The following HSD17B12 variants were observed in gnomAD, a reference collection of about 807,000 sequenced individuals.
HSD17B12 encodes hydroxysteroid 17-beta dehydrogenase 12.
HSD17B12 carries 32 observed loss-of-function variants against 39.3 expected under a neutral mutation model. The observed-to-expected ratio is 0.81, with a 90% CI of 0.61 to 1.09. The LOEUF is 1.09. Ranked by LOEUF, HSD17B12 falls within the 50% of genes least tolerant of loss-of-function variation. The probability of loss-of-function intolerance (pLI) is 0.00; values close to 1 mark genes in which losing one functional copy is unlikely to be tolerated. For missense variants in HSD17B12, 342 were observed against 382.9 expected (o/e 0.89, Z 0.89); for synonymous variants, 150 against 146.7 (o/e 1.02, Z -0.16).
the HSD17B12 span, among the ~76,000 whole-genome samples, chr11:43,656,953 C>T: frequency 2.0e-5 from 3 of 152,052 alleles, no homozygotes; most frequent in Non-Finnish European, 4.4e-5. Context: ...TCCTGGGTAT[C>T]CTTGTTGACT....
upstream of HSD17B12, chr11:43,680,727 C>T: frequency 9.6e-7 from 1 of 1,045,630 alleles, no homozygotes; most frequent in Non-Finnish European, 1.5e-6. Flanking sequence ...GTCGGAGCAG[C>T]GCCTATTAGT....
chr11:43,636,003 A>G, the HSD17B12 span, among the ~76,000 whole-genome samples: 38 of 152,326 alleles, frequency 2.5e-4, no homozygotes, highest in East Asian at 4.4e-3. Context: ...CCAAGCTTCA[A>G]TGGTGTTGAC....
At chr11:43,734,865 A>G (rs1010899263) in intron 1 of HSD17B12, among the ~76,000 whole-genome samples, 2 of 152,062 alleles carry the variant, frequency 1.3e-5, no homozygotes, top group Non-Finnish European at 2.9e-5. Flanking sequence ...TTTCACCTCT[A>G]TCTAGTTTCA....
intron 4 of HSD17B12, among the ~76,000 whole-genome samples, chr11:43,799,376 T>G (rs1196064412): frequency 6.6e-6 from 1 of 152,096 alleles, no homozygotes; most frequent in Non-Finnish European, 1.5e-5. Flanking sequence ...AGTCTTGTAT[T>G]TTTTTTTCTA....
chr11:43,768,852 C>T (rs1950623192), intron 3 of HSD17B12, among the ~76,000 whole-genome samples: 1 of 150,644 alleles, frequency 6.6e-6, no homozygotes, highest in African/African-American at 2.4e-5. Flanking sequence ...TTACAGAGTG[C>T]TGATTGGTCC....
At chr11:43,659,678 A>G in the HSD17B12 span, among the ~76,000 whole-genome samples, 1 of 152,228 alleles carries the variant, frequency 6.6e-6, no homozygotes, top group Non-Finnish European at 1.5e-5. Flanking sequence ...AGCAAGCTAC[A>G]CAAAAGGAAG....
chr11:43,654,921 G>C, the HSD17B12 span, among the ~76,000 whole-genome samples: 1 of 152,106 alleles, frequency 6.6e-6, no homozygotes, highest in Non-Finnish European at 1.5e-5. Context: ...TTTTAAAGTA[G>C]TTTTTTCCAA....
At chr11:43,680,190 C>T (rs1221382047), upstream of HSD17B12, among the ~76,000 whole-genome samples, 1 of 151,946 alleles carries the variant, frequency 6.6e-6, no homozygotes, top group East Asian at 1.9e-4. Context: ...TCTCCTGCCT[C>T]AGCCTCCCGA....
chr11:43,761,077 C>A (rs928048005), intron 3 of HSD17B12, among the ~76,000 whole-genome samples: 1 of 149,618 alleles, frequency 6.7e-6, no homozygotes, highest in African/African-American at 2.4e-5. Flanking sequence ...AGGCAGTGAG[C>A]TAGTCCCAGG....
chr11:43,697,827 A>G (rs1949925949), intron 1 of HSD17B12, among the ~76,000 whole-genome samples: 1 of 152,174 alleles, frequency 6.6e-6, no homozygotes, highest in Non-Finnish European at 1.5e-5. Context: ...GACTAGAGAA[A>G]TGTAGGCAGG....
At chr11:43,699,571 T>C (rs892301336) in intron 1 of HSD17B12, among the ~76,000 whole-genome samples, 7 of 152,220 alleles carry the variant, frequency 4.6e-5, no homozygotes, top group Admixed American at 2.0e-4. Context: ...ATTTGAAAAT[T>C]GTGAATTACT....
At chr11:43,721,769 T>A (rs1300864034) in intron 1 of HSD17B12, among the ~76,000 whole-genome samples, 1 of 152,082 alleles carries the variant, frequency 6.6e-6, no homozygotes, top group Non-Finnish European at 1.5e-5. Context: ...GGTCATGAAA[T>A]ATCCTGTAGG....
chr11:43,715,656 G>C (rs1341836013), intron 1 of HSD17B12, among the ~76,000 whole-genome samples: 3 of 152,092 alleles, frequency 2.0e-5, no homozygotes, highest in Non-Finnish European at 4.4e-5. Context: ...AGTTAGGGAG[G>C]ATTTCCTCTT....
At chr11:43,701,007 G>T (rs1203756391) in intron 1 of HSD17B12, among the ~76,000 whole-genome samples, 1 of 152,044 alleles carries the variant, frequency 6.6e-6, no homozygotes, top group African/African-American at 2.4e-5. Flanking sequence ...GTTATTGCCT[G>T]TCTTTTGGGA....
intron 1 of HSD17B12, among the ~76,000 whole-genome samples, chr11:43,713,082 T>C (rs1415479335): frequency 6.6e-6 from 1 of 152,120 alleles, no homozygotes; most frequent in Non-Finnish European, 1.5e-5. Context: ...TTTATGATAA[T>C]GGAAATATTC....
chr11:43,567,066 A>C, the HSD17B12 span, among the ~76,000 whole-genome samples: 2 of 152,236 alleles, frequency 1.3e-5, no homozygotes, highest in Non-Finnish European at 2.9e-5. Context: ...AGCAGGCAAG[A>C]ACAATTTCCC....
chr11:43,604,508 G>A, the HSD17B12 span, among the ~76,000 whole-genome samples: 12 of 151,768 alleles, frequency 7.9e-5, no homozygotes, highest in Admixed American at 6.6e-4. Flanking sequence ...ATTTTTTAAG[G>A]GCCACAAAAG....
intron 6 of HSD17B12, among the ~76,000 whole-genome samples, chr11:43,819,551 A>G (rs1458921664): frequency 6.6e-6 from 1 of 152,222 alleles, no homozygotes; most frequent in Non-Finnish European, 1.5e-5. Context: ...TGTTTTAAAT[A>G]TAATGATGAA....
the HSD17B12 span, among the ~76,000 whole-genome samples, chr11:43,567,479 A>G: frequency 1.3e-5 from 2 of 152,202 alleles, no homozygotes; most frequent in African/African-American, 4.8e-5. Flanking sequence ...TAAGTAAAAT[A>G]TTTCTAGTGG....
Sources: allele counts gnomAD v4.1 joint callset (sites outside exome capture counted in the v4.1 genomes callset), GRCh38; gene constraint gnomAD v4.1.1; transcripts MANE v1.5; gene names NCBI Gene and HGNC (gene_info 2026-07-23, HGNC 2026-07-21).